The following RBM20 variants were observed in gnomAD, a reference collection of about 807,000 sequenced individuals.
RBM20 encodes the protein RNA binding motif protein 20, also known as RNA-binding protein 20.
RBM20 carries 51 observed loss-of-function variants against 110.1 expected under a neutral mutation model. That is an observed-to-expected ratio of 0.46 (90% CI 0.37 to 0.59). The LOEUF (loss-of-function observed/expected upper bound fraction) is 0.59, where lower values mean the gene tolerates loss of function less well. Ranked by LOEUF, RBM20 falls within the 20% of genes least tolerant of loss-of-function variation. The probability of loss-of-function intolerance (pLI) is 0.00; values close to 1 mark genes in which losing one functional copy is unlikely to be tolerated. For synonymous variants in RBM20, 589 were observed against 618.2 expected (o/e 0.95, Z 0.70); for missense variants, 1,512 against 1,574.9 (o/e 0.96, Z 0.68).
At chr10:110,796,630 A>G (rs1352495437) in intron 5 of RBM20, among the ~76,000 whole-genome samples, 2 of 152,252 alleles carry the variant, frequency 1.3e-5, no homozygotes, top group Admixed American at 1.3e-4. Flanking sequence ...CAAGCCATCA[A>G]TAGTCCCAGC....
chr10:110,788,663 G>C (rs1844449211), intron 5 of RBM20, among the ~76,000 whole-genome samples: 1 of 152,212 alleles, frequency 6.6e-6, no homozygotes, highest in Non-Finnish European at 1.5e-5. Context: ...CGAGAACATT[G>C]ACATTTGAAG....
chr10:110,673,638 C>T (rs1862292217), intron 1 of RBM20, among the ~76,000 whole-genome samples: 2 of 152,200 alleles, frequency 1.3e-5, no homozygotes, highest in African/African-American at 4.8e-5. Flanking sequence ...TCACTAAGGC[C>T]ACAGGCGAGG....
intron 1 of RBM20, among the ~76,000 whole-genome samples, chr10:110,773,913 A>G (rs566150401): frequency 6.6e-6 from 1 of 152,300 alleles, no homozygotes; most frequent in Non-Finnish European, 1.5e-5. Context: ...TCTGATACCA[A>G]ACATGTTAGT....
At chr10:110,654,755 A>AAGGAGC (rs1430509373) in intron 1 of RBM20, among the ~76,000 whole-genome samples, 1 of 152,182 alleles carries the variant, frequency 6.6e-6, no homozygotes, top group Non-Finnish European at 1.5e-5. Context: ...GAGTAGTGAA[A>AAGGAGC]AGGAGCAGGA....
At chr10:110,665,782 GTTAC>G (rs1423253337) in intron 1 of RBM20, among the ~76,000 whole-genome samples, 2 of 152,056 alleles carry the variant, frequency 1.3e-5, no homozygotes, top group Admixed American at 6.6e-5. Flanking sequence ...TTATTTATTA[GTTAC>G]TTATTTATAG....
chr10:110,656,691 C>T (rs757991519), intron 1 of RBM20, among the ~76,000 whole-genome samples: 9 of 152,300 alleles, frequency 5.9e-5, no homozygotes, highest in East Asian at 1.9e-4. Flanking sequence ...TTTGCCTATT[C>T]GGGAGATTTC....
At chr10:110,811,404 G>A (rs1298511404) in intron 8 of RBM20, among the ~76,000 whole-genome samples, 5 of 152,180 alleles carry the variant, frequency 3.3e-5, no homozygotes, top group African/African-American at 4.8e-5. Context: ...ATATATGTGC[G>A]TATATCTTTG....
chr10:110,793,108 G>A (rs930538393), intron 5 of RBM20, among the ~76,000 whole-genome samples: 14 of 152,150 alleles, frequency 9.2e-5, no homozygotes, highest in South Asian at 2.1e-4. Context: ...AGACCTATAG[G>A]TCATCTCCCT....
intron 10 of RBM20, among the ~76,000 whole-genome samples, 153 bp downstream of exon 10, chr10:110,820,329 G>A (rs1844892009): frequency 6.6e-6 from 1 of 152,204 alleles, no homozygotes; most frequent in South Asian, 2.1e-4. Context: ...TACTTTGGAG[G>A]AGTGGCTGTG....
At chr10:110,657,310 C>T (rs529486151) in intron 1 of RBM20, among the ~76,000 whole-genome samples, 2 of 151,822 alleles carry the variant, frequency 1.3e-5, no homozygotes, top group South Asian at 2.1e-4. Flanking sequence ...CCACCATGCC[C>T]GGCCTGTTCT....
chr10:110,665,873 T>C (rs1862167680), intron 1 of RBM20, among the ~76,000 whole-genome samples: 1 of 152,024 alleles, frequency 6.6e-6, no homozygotes, highest in African/African-American at 2.4e-5. Flanking sequence ...TCCAGCACTT[T>C]GGGAGGCCAA....
chr10:110,719,121 A>G (rs959685339), intron 1 of RBM20, among the ~76,000 whole-genome samples: 1 of 152,234 alleles, frequency 6.6e-6, no homozygotes, highest in Admixed American at 6.5e-5. Context: ...CAGAGCATGT[A>G]TGTGACACAT....
chr10:110,685,899 G>A (rs538407845), intron 1 of RBM20, among the ~76,000 whole-genome samples: 96 of 152,164 alleles, frequency 6.3e-4, no homozygotes, highest in Non-Finnish European at 1.1e-3. Flanking sequence ...TGTTTTAAAA[G>A]CACAGTGACG....
At chr10:110,767,689 C>G (rs976566800) in intron 1 of RBM20, among the ~76,000 whole-genome samples, 1 of 149,718 alleles carries the variant, frequency 6.7e-6, no homozygotes, top group Non-Finnish European at 1.5e-5. Flanking sequence ...ACATCCCAGA[C>G]GGGGTGGCGG....
At chr10:110,809,186 C>A (rs1421406803) in intron 7 of RBM20, among the ~76,000 whole-genome samples, 5 of 126,392 alleles carry the variant, frequency 4.0e-5, no homozygotes, top group African/African-American at 5.9e-5. Context: ...CATTGCATTC[C>A]AGCCTGAGTG....
At chr10:110,784,702 G>A (rs1364832726) in intron 4 of RBM20, 90 bp from the exon 5 acceptor site, 13 of 862,734 alleles carry the variant, frequency 1.5e-5, no homozygotes, top group Non-Finnish European at 2.3e-5. Context: ...AAGGGGAAAG[G>A]TTCAGTTTTC....
intron 7 of RBM20, among the ~76,000 whole-genome samples, chr10:110,803,812 CAAAAAAAAAAAAAA>C (rs58202648): frequency 5.2e-5 from 3 of 57,164 alleles, no homozygotes; most frequent in East Asian, 7.0e-4. Context: ...TTGGCTTAAG[CAAAAAAAAAAAAAA>C]AAAAAAAAAA....
intron 1 of RBM20, among the ~76,000 whole-genome samples, chr10:110,770,623 T>C (rs1844173881): frequency 6.6e-6 from 1 of 152,232 alleles, no homozygotes; most frequent in Admixed American, 6.5e-5. Flanking sequence ...AATGTCTAGG[T>C]TAATTGTCAG....
At chr10:110,812,146 T>G in intron 8 of RBM20, 132 bp from the exon 9 acceptor site, 2 of 821,462 alleles carry the variant, frequency 2.4e-6, no homozygotes, top group Non-Finnish European at 3.7e-6. Flanking sequence ...TGTGGTTCTG[T>G]AGAGTTGGGA....
Sources: gnomAD v4.1 joint callset for allele counts (sites outside exome capture counted in the v4.1 genomes callset) on GRCh38, gnomAD v4.1.1 for gene constraint, MANE v1.5 for transcripts, NCBI Gene and HGNC (gene_info 2026-07-23, HGNC 2026-07-21) for gene names.